Variants in SPAG16 observed in about 807,000 individuals in gnomAD.
SPAG16 encodes the protein sperm associated antigen 16.
In SPAG16, 86 loss-of-function variants were observed where a neutral mutation model predicts 80.4. The ratio of observed to expected loss-of-function variants is 1.07; its 90% CI spans 0.90 to 1.28. The LOEUF (loss-of-function observed/expected upper bound fraction) is 1.28, where lower values mean the gene tolerates loss of function less well. Among genes scored for constraint, SPAG16 ranks in the 50% most tolerant of loss-of-function variants. SPAG16 has a pLI of 0.00. For synonymous variants in SPAG16, 294 were observed against 265.9 expected (o/e 1.11, Z -1.03); for missense variants, 870 against 765.3 (o/e 1.14, Z -1.61).
intron 15 of SPAG16, among the ~76,000 whole-genome samples, chr2:214,179,370 C>T (rs1461792997): frequency 6.6e-6 from 1 of 151,170 alleles, no homozygotes; most frequent in African/African-American, 2.4e-5. Context: ...GGTGCTGAAA[C>T]CCCAGCGTAT....
At chr2:213,388,122 G>T (rs1362198735) in intron 9 of SPAG16, among the ~76,000 whole-genome samples, 1 of 152,144 alleles carries the variant, frequency 6.6e-6, no homozygotes, top group African/African-American at 2.4e-5. Context: ...CCTACCTTCA[G>T]CCACCCTAGC....
intron 9 of SPAG16, among the ~76,000 whole-genome samples, chr2:213,473,421 G>T (rs912078814): frequency 9.2e-5 from 14 of 152,170 alleles, no homozygotes; most frequent in African/African-American, 3.4e-4. Context: ...AAAGATGCGG[G>T]TGCTATCCTC....
At chr2:214,124,347 A>G (rs980553109) in intron 14 of SPAG16, among the ~76,000 whole-genome samples, 1 of 151,764 alleles carries the variant, frequency 6.6e-6, no homozygotes, top group Non-Finnish European at 1.5e-5. Context: ...ATCTCATTTA[A>G]ACAGGTTTCA....
intron 9 of SPAG16, among the ~76,000 whole-genome samples, chr2:213,403,125 T>C (rs2068415858): frequency 6.6e-6 from 1 of 152,118 alleles, no homozygotes; most frequent in Admixed American, 6.5e-5. Context: ...CCATTCTAAC[T>C]GGTGTGAGAT....
chr2:213,549,400 T>A (rs182528564), intron 10 of SPAG16, among the ~76,000 whole-genome samples: 21 of 152,282 alleles, frequency 1.4e-4, no homozygotes, highest in Non-Finnish European at 1.0e-4. Flanking sequence ...CATCAACATG[T>A]CTAAAATTTT....
intron 12 of SPAG16, among the ~76,000 whole-genome samples, chr2:213,982,619 G>GTGTGTGTC (rs1289470893): frequency 1.0e-4 from 15 of 150,698 alleles, no homozygotes; most frequent in African/African-American, 3.7e-4. Context: ...TGGTGTGTGT[G>GTGTGTGTC]TGTGTGTGTG....
intron 10 of SPAG16, among the ~76,000 whole-genome samples, chr2:213,527,183 G>A (rs993449733): frequency 5.9e-5 from 9 of 152,154 alleles, no homozygotes; most frequent in Non-Finnish European, 1.3e-4. Flanking sequence ...AGATGCTACT[G>A]ATGTAAAGTT....
At chr2:214,227,771 A>G (rs558398553) in intron 15 of SPAG16, among the ~76,000 whole-genome samples, 3 of 148,430 alleles carry the variant, frequency 2.0e-5, no homozygotes, top group African/African-American at 7.4e-5. Context: ...TAATTTTCCT[A>G]TCTTATTATT....
chr2:214,387,066 CA>C (rs1037578528), intron 15 of SPAG16, among the ~76,000 whole-genome samples: 2 of 152,044 alleles, frequency 1.3e-5, no homozygotes, highest in African/African-American at 4.8e-5. Context: ...TCCTTCTACC[CA>C]GATTGTTTTC....
intron 10 of SPAG16, among the ~76,000 whole-genome samples, chr2:213,678,056 T>G (rs530699908): frequency 1.3e-5 from 2 of 152,154 alleles, no homozygotes; most frequent in East Asian, 3.9e-4. Flanking sequence ...AATAAAGATG[T>G]TCTTTGAAAC....
intron 12 of SPAG16, among the ~76,000 whole-genome samples, chr2:213,985,216 A>C (rs912299545): frequency 1.3e-5 from 2 of 152,004 alleles, no homozygotes; most frequent in African/African-American, 4.8e-5. Context: ...CATGTCAAGA[A>C]ATTTTTGGTG....
At chr2:213,530,661 A>G (rs1011099575) in intron 10 of SPAG16, among the ~76,000 whole-genome samples, 2 of 152,040 alleles carry the variant, frequency 1.3e-5, no homozygotes, top group African/African-American at 4.8e-5. Flanking sequence ...CTGTAAGGCT[A>G]TTTTTTGATT....
intron 12 of SPAG16, among the ~76,000 whole-genome samples, chr2:213,953,788 T>C (rs1362138193): frequency 1.3e-5 from 2 of 151,748 alleles, no homozygotes; most frequent in Non-Finnish European, 2.9e-5. Flanking sequence ...ATTATCAGGA[T>C]AAAAAGGCAT....
intron 10 of SPAG16, among the ~76,000 whole-genome samples, chr2:213,773,314 G>A (rs2069370795): frequency 6.6e-6 from 1 of 152,094 alleles, no homozygotes; most frequent in Non-Finnish European, 1.5e-5. Flanking sequence ...ATTTAGGAGA[G>A]ATTTTCTGTG....
chr2:213,639,197 C>T (rs554953217), intron 10 of SPAG16, among the ~76,000 whole-genome samples: 1 of 152,210 alleles, frequency 6.6e-6, no homozygotes, highest in South Asian at 2.1e-4. Context: ...TCCATTCTGC[C>T]ATTCTGTAGC....
At position 214,161,154 on chromosome 2, in the gene SPAG16, A is replaced by G. The variant is rs113849160; in HGVS notation, c.1720+11888A>G. Among the ~76,000 whole-genome samples, 14 of 152,262 alleles carry G rather than the reference A, an allele frequency of 9.2e-5. 1 individual carries two copies. The highest frequency in any genetic ancestry group is 3.4e-4 in the African/African-American group (14 of 41,574). ...ATCTTGTTCCTTTCTATGGCTGCAT[A>G]GTATTCCATGGTGGAGATGTACAAC... On this transcript the variant is annotated intron_variant, in intron 15 of 15. Coordinates refer to ENST00000331683, the MANE Select transcript of SPAG16 (RefSeq NM_024532.5).
chr2:214,212,705 T>A (rs922383132), intron 15 of SPAG16, among the ~76,000 whole-genome samples: 12 of 152,224 alleles, frequency 7.9e-5, no homozygotes, highest in African/African-American at 2.9e-4. Flanking sequence ...CTAGCTCTAC[T>A]CTTTCTATTT....
chr2:213,655,888 T>C (rs1291284292), intron 10 of SPAG16, among the ~76,000 whole-genome samples: 2 of 152,236 alleles, frequency 1.3e-5, no homozygotes, highest in Admixed American at 1.3e-4. Flanking sequence ...TTTCGTTTAT[T>C]TTAGCTTTAT....
chr2:213,807,824 A>ATTCATAAAG (rs1359812353), intron 10 of SPAG16, among the ~76,000 whole-genome samples: 1 of 152,224 alleles, frequency 6.6e-6, no homozygotes, highest in African/African-American at 2.4e-5. Context: ...TAATGCATTA[A>ATTCATAAAG]TTCATAAAGT....
Sources: gnomAD v4.1 joint callset for allele counts (sites outside exome capture counted in the v4.1 genomes callset) on GRCh38, gnomAD v4.1.1 for gene constraint, MANE v1.5 for transcripts, NCBI Gene and HGNC (gene_info 2026-07-23, HGNC 2026-07-21) for gene names.